TREM1: variants seen among roughly 807,000 people sequenced by gnomAD.
The protein encoded by TREM1 is triggering receptor expressed on myeloid cells 1.
TREM1 carries 16 observed loss-of-function variants against 22.4 expected under a neutral mutation model. That is an observed-to-expected ratio of 0.71 (90% CI 0.48 to 1.08). The LOEUF (loss-of-function observed/expected upper bound fraction) is 1.08. Among genes scored for constraint, TREM1 ranks in the 50% least tolerant of loss-of-function variants. The pLI is 0.00. For missense variants in TREM1, 283 were observed against 282.9 expected (o/e 1.00, Z 0.00); for synonymous variants, 110 against 111.6 (o/e 0.99, Z 0.09).
At chr6:41,270,446 AATATATATATATATATATATATATAT>A (rs68021402), downstream of TREM1, among the ~76,000 whole-genome samples, 1 of 144,002 alleles carries the variant, frequency 6.9e-6, no homozygotes, top group Admixed American at 6.8e-5. Context: ...GATATTATAT[AATATATATATATATATATATATATAT>A]ATATATATAT....
intron 2 of TREM1, chr6:41,281,445 A>C (rs1767917924): frequency 7.7e-6 from 3 of 391,202 alleles, no homozygotes; most frequent in South Asian, 3.8e-5. Context: ...GAAGAAAGGA[A>C]TTTTTTGTCA....
downstream of TREM1, among the ~76,000 whole-genome samples, chr6:41,271,812 G>A (rs890078779): frequency 4.6e-5 from 7 of 152,082 alleles, no homozygotes; most frequent in African/African-American, 1.7e-4. Flanking sequence ...TCCCATTCCA[G>A]TCCATCCCAA....
chr6:41,272,572 G>A (rs1767513603), downstream of TREM1, among the ~76,000 whole-genome samples: 1 of 152,164 alleles, frequency 6.6e-6, no homozygotes. Flanking sequence ...TGGCAGATCT[G>A]GGAAGGGACC....
intron 2 of TREM1, 144 bp downstream of exon 2, chr6:41,282,251 C>G: frequency 5.9e-6 from 4 of 674,958 alleles, no homozygotes; most frequent in Non-Finnish European, 5.2e-6. Context: ...GTTCTACTTA[C>G]TACTGGACCT....
At chr6:41,280,679 C>T (rs928482835) in intron 3 of TREM1, 1 of 1,415,616 alleles carries the variant, frequency 7.1e-7, no homozygotes, top group African/African-American at 1.4e-5. Context: ...GGATGAGCTC[C>T]ACTGGAACTT....
intron 1 of TREM1, among the ~76,000 whole-genome samples, chr6:41,284,015 A>C (rs926503312): frequency 2.0e-5 from 3 of 152,068 alleles, no homozygotes. Flanking sequence ...AGAGAAAAAA[A>C]CCCACGTTAT....
In TREM1 at chr6:41,281,068, T is replaced by C. The variant is rs190717351; in HGVS notation, c.492A>G (p.Pro164=). ...TCACAGTTCTGGGGCTGGTATAGAGTGGGCACAAGGCCTTAGTGGTGGTAG... is the reference window on the plus strand; with the variant it reads ...TCACAGTTCTGGGGCTGGTATAGAGCGGGCACAAGGCCTTAGTGGTGGTAG... ...IPPTTTKALC[P]LYTSPRTVTQ... The change falls in exon 3 of 4, where the codon CCA becomes CCG. Residue 164 remains proline (P), a synonymous_variant. Transcript: ENST00000244709. 4 of 1,614,006 alleles carry C rather than the reference T, an allele frequency of 2.5e-6. No individual in the cohort carries two copies. The East Asian group carries it at 8.9e-5, about 36-fold the overall frequency.
At chr6:41,271,139 G>A (rs1349565671), downstream of TREM1, among the ~76,000 whole-genome samples, 1 of 152,106 alleles carries the variant, frequency 6.6e-6, no homozygotes, top group Non-Finnish European at 1.5e-5. Context: ...GTTGTAGCTG[G>A]CACTAGTCTC....
Position 41,275,935 on chromosome 6 carries a change from C to A in TREM1, c.*190G>T. The A allele has an allele frequency of 1.7e-6, 1 of 587,346 alleles. No individual in the cohort carries two copies. The highest frequency in any genetic ancestry group is 3.0e-6 in the Non-Finnish European group (1 of 328,736). 36.4% of individuals were successfully genotyped at this position (587,346 alleles called of 1,614,324 possible). A position where few individuals can be genotyped will look rare whatever the true frequency, so the allele number is the denominator to read the frequency against. On this transcript the variant is annotated 3_prime_UTR_variant, in exon 4 of 4. Coordinates refer to ENST00000244709, the MANE Select transcript of TREM1 (RefSeq NM_018643.5). ...AACTTCTTTTCTGAGGCACAAATGC[C>A]CACCCAAGATTATTAGAGGAACGAG...
chr6:41,280,608 C>G (rs2113985498), intron 3 of TREM1: 1 of 1,299,220 alleles, frequency 7.7e-7, no homozygotes, highest in South Asian at 1.9e-5. Flanking sequence ...GTCAGGCCAA[C>G]ACTAGATCCA....
downstream of TREM1, among the ~76,000 whole-genome samples, chr6:41,272,096 G>C (rs1271848539): frequency 6.6e-6 from 1 of 152,186 alleles, no homozygotes; most frequent in African/African-American, 2.4e-5. Context: ...AGGCTGGGTG[G>C]CTACTTTACA....
chr6:41,272,942 C>T (rs1326536660), downstream of TREM1, among the ~76,000 whole-genome samples: 1 of 152,110 alleles, frequency 6.6e-6, no homozygotes, highest in Non-Finnish European at 1.5e-5. Flanking sequence ...GGCACAGGCC[C>T]CAATGTGTGA....
intron 1 of TREM1, among the ~76,000 whole-genome samples, chr6:41,284,983 G>T (rs1039892966): frequency 6.6e-6 from 1 of 152,230 alleles, no homozygotes; most frequent in African/African-American, 2.4e-5. Flanking sequence ...TCCCTCATTT[G>T]TTCACTCACT....
Position 41,286,660 on chromosome 6 carries a change from C to T in TREM1, c.-5G>A. On this transcript the variant is annotated 5_prime_UTR_variant, in exon 1 of 4. Coordinates refer to ENST00000244709, the MANE Select transcript of TREM1 (RefSeq NM_018643.5). Reference sequence around the variant, plus strand: ...CCAGAGCCTGGTCTTCCTCATCCTTCCTGTGCACCAGCTCCAACTGCTGCT... The same window carrying T: ...CCAGAGCCTGGTCTTCCTCATCCTTTCTGTGCACCAGCTCCAACTGCTGCT... The T allele has an allele frequency of 6.2e-7, 1 of 1,614,064 alleles. No homozygotes were observed. Among genetic ancestry groups the T allele is most frequent in the East Asian group, 2.2e-5 (1 of 44,864 alleles).
At chr6:41,267,522 T>C (rs1767362974), downstream of TREM1, among the ~76,000 whole-genome samples, 1 of 152,002 alleles carries the variant, frequency 6.6e-6, no homozygotes, top group African/African-American at 2.4e-5. Flanking sequence ...AAATATGAAA[T>C]ATGATTATTA....
At chr6:41,280,898 C>A in intron 3 of TREM1, 63 bp downstream of exon 3, 1 of 1,612,178 alleles carries the variant, frequency 6.2e-7, no homozygotes, top group Non-Finnish European at 8.5e-7. Flanking sequence ...CCTCTCAGCA[C>A]ACAGACTGGG....
At chr6:41,268,626 G>T (rs1340213328), downstream of TREM1, among the ~76,000 whole-genome samples, 2 of 152,070 alleles carry the variant, frequency 1.3e-5, no homozygotes, top group African/African-American at 4.8e-5. Flanking sequence ...CACTGCCAGG[G>T]GTTTACTGAG....
In TREM1 at chr6:41,276,228, A is replaced by G. The variant is rs1767662686; in HGVS notation, c.602T>C (p.Val201Ala). ...GAGAATGACAATGTTGAACACCGGA[A>G]CCCTGCGGGAGACAAGAGGCTGAAC... is the stretch of plus-strand genomic sequence containing the variant. ...NLTNVTDIIR[V>A]PVFNIVILLA... The change falls in exon 4 of 4, where the codon GTT (valine) becomes GCT (alanine). Residue 201 changes from valine to alanine, a missense_variant and splice_region_variant. By Grantham distance (64) the Val-to-Ala change is moderately conservative (BLOSUM62 0). Coordinates refer to ENST00000244709, the MANE Select transcript of TREM1 (RefSeq NM_018643.5). 5 of 1,613,238 alleles carry G rather than the reference A, an allele frequency of 3.1e-6. No homozygotes were observed. Among genetic ancestry groups the G allele is most frequent in the African/African-American group, 1.3e-5 (1 of 74,854 alleles).
chr6:41,282,512 G>T lies in TREM1; in HGVS notation c.289C>A (p.Arg97Ser). 1.9e-6 allele frequency: 3 copies of T among 1,614,162 alleles called. No individual in the cohort carries two copies. Among genetic ancestry groups the T allele is most frequent in the South Asian group, 2.2e-5 (2 of 91,072 alleles). The change falls in exon 2 of 4, where the codon CGC (arginine) becomes AGC (serine). Residue 97 changes from arginine (R) to serine (S), a missense_variant. Coordinates refer to ENST00000244709, the MANE Select transcript of TREM1 (RefSeq NM_018643.5). ...ACTTGAAGGTTGACCATTCGGACGC[G>T]CAGTAAACCATGATCATGGTAGTCT... ...LEDYHDHGLL[R>S]VRMVNLQVED...
Sources: gnomAD v4.1 joint callset for allele counts (sites outside exome capture counted in the v4.1 genomes callset) on GRCh38, gnomAD v4.1.1 for gene constraint, MANE v1.5 for transcripts, NCBI Gene and HGNC (gene_info 2026-07-23, HGNC 2026-07-21) for gene names.